Variants in KIAA1217 observed in about 807,000 individuals in gnomAD.
KIAA1217 encodes the protein sickle tail protein homolog.
A neutral mutation model predicts 163.9 loss-of-function variants in KIAA1217; 88 were observed. The observed-to-expected ratio is 0.54, with a 90% CI of 0.45 to 0.64. The LOEUF (loss-of-function observed/expected upper bound fraction) is 0.64, where lower values mean the gene tolerates loss of function less well. Ranked by LOEUF, KIAA1217 falls within the 30% of genes least tolerant of loss-of-function variation. The pLI is 0.00. For missense variants in KIAA1217, 2,372 were observed against 2,475.0 expected, an observed-to-expected ratio of 0.96 and a Z score of 0.88; for synonymous variants, 903 against 923.1, an observed-to-expected ratio of 0.98 and a Z score of 0.39.
chr10:23,909,208 G>T (rs990776996), intron 1 of KIAA1217, among the ~76,000 whole-genome samples: 6 of 152,056 alleles, frequency 3.9e-5, no homozygotes, highest in Non-Finnish European at 7.4e-5. Context: ...AGGGGGAAAT[G>T]GTGGGAAGGG....
At chr10:24,500,698 G>A (rs1471086393) in intron 8 of KIAA1217, among the ~76,000 whole-genome samples, 1 of 152,068 alleles carries the variant, frequency 6.6e-6, no homozygotes, top group African/African-American at 2.4e-5. Flanking sequence ...GCAGAAAATA[G>A]GCACATAAGC....
intron 2 of KIAA1217, among the ~76,000 whole-genome samples, chr10:24,108,772 C>T (rs2131737097): frequency 6.6e-6 from 1 of 152,244 alleles, no homozygotes; most frequent in Admixed American, 6.5e-5. Flanking sequence ...ATCTAGGCAA[C>T]ATAATAAATA....
At chr10:23,939,270 A>G (rs1246411812) in intron 1 of KIAA1217, among the ~76,000 whole-genome samples, 2 of 152,224 alleles carry the variant, frequency 1.3e-5, no homozygotes, top group African/African-American at 4.8e-5. Flanking sequence ...ATCACATTAA[A>G]TGTAAACAGT....
intron 3 of KIAA1217, among the ~76,000 whole-genome samples, chr10:24,410,740 T>C (rs1261054600): frequency 6.6e-6 from 1 of 152,366 alleles, no homozygotes; most frequent in South Asian, 2.1e-4. Context: ...TTAAATGATT[T>C]GACCGAGGTC....
intron 1 of KIAA1217, among the ~76,000 whole-genome samples, chr10:23,971,463 G>C (rs767382592): frequency 1.9e-4 from 29 of 152,048 alleles, no homozygotes; most frequent in Non-Finnish European, 3.5e-4. Flanking sequence ...CTGATTGGTT[G>C]GGGGGGAACC....
At chr10:24,404,936 A>G (rs1157298142) in intron 3 of KIAA1217, among the ~76,000 whole-genome samples, 1 of 152,220 alleles carries the variant, frequency 6.6e-6, no homozygotes, top group East Asian at 1.9e-4. Context: ...ATAAAATTAT[A>G]GAGATGCAGA....
At chr10:24,406,164 G>GA (rs2057187738) in intron 3 of KIAA1217, among the ~76,000 whole-genome samples, 3 of 152,174 alleles carry the variant, frequency 2.0e-5, no homozygotes, top group Admixed American at 1.3e-4. Context: ...CTACTTGGAA[G>GA]AATGACGAGC....
intron 5 of KIAA1217, among the ~76,000 whole-genome samples, chr10:24,456,591 A>T (rs1740531150): frequency 6.6e-6 from 1 of 152,190 alleles, no homozygotes. Context: ...AGAGATTCCC[A>T]GCAGGGAAAA....
intron 2 of KIAA1217, among the ~76,000 whole-genome samples, chr10:24,176,688 C>T (rs1267726293): frequency 2.0e-5 from 3 of 152,366 alleles, no homozygotes; most frequent in Non-Finnish European, 4.4e-5. Context: ...ACACCAGAGC[C>T]GCGGGCAGAG....
intron 2 of KIAA1217, among the ~76,000 whole-genome samples, chr10:24,294,820 G>C (rs2040394442): frequency 6.6e-6 from 1 of 152,186 alleles, no homozygotes; most frequent in African/African-American, 2.4e-5. Flanking sequence ...GACCTGAAAG[G>C]CAAGTGCAAT....
At chr10:23,913,018 C>T (rs1233287762) in intron 1 of KIAA1217, among the ~76,000 whole-genome samples, 2 of 152,152 alleles carry the variant, frequency 1.3e-5, no homozygotes, top group African/African-American at 4.8e-5. Context: ...ATGTAGCACC[C>T]AACACAGCAT....
intron 1 of KIAA1217, among the ~76,000 whole-genome samples, chr10:23,967,755 A>T (rs1845126834): frequency 6.6e-6 from 1 of 152,158 alleles, no homozygotes; most frequent in South Asian, 2.1e-4. Flanking sequence ...TACAAAAGAC[A>T]AATTTAACCT....
chr10:24,137,856 A>G (rs113342260), intron 2 of KIAA1217, among the ~76,000 whole-genome samples: 2,926 of 152,316 alleles, frequency 0.019, 87 homozygotes, highest in African/African-American at 0.066. Context: ...CTCTTAAAAA[A>G]CAAGGGTTTA....
At chr10:23,831,611 T>C (rs1838203647) in intron 1 of KIAA1217, among the ~76,000 whole-genome samples, 2 of 151,044 alleles carry the variant, frequency 1.3e-5, no homozygotes, top group African/African-American at 5.0e-5. Context: ...AGGAATGTAA[T>C]ATGTGTATTA....
At chr10:24,100,777 C>A (rs943522326) in intron 2 of KIAA1217, among the ~76,000 whole-genome samples, 2 of 152,124 alleles carry the variant, frequency 1.3e-5, no homozygotes. Flanking sequence ...TCTTAATTAT[C>A]TTAGGTATTT....
chr10:23,992,563 T>A (rs11013833), intron 1 of KIAA1217, among the ~76,000 whole-genome samples: 6,569 of 151,782 alleles, frequency 0.043, 193 homozygotes, highest in Admixed American at 0.087. Flanking sequence ...GCATGAGATA[T>A]GTTTATTTGG....
intron 3 of KIAA1217, among the ~76,000 whole-genome samples, chr10:24,394,139 C>T (rs974591100): frequency 2.6e-5 from 4 of 152,174 alleles, no homozygotes; most frequent in East Asian, 1.9e-4. Flanking sequence ...CTTTTCTTTT[C>T]GGCGATTCTC....
intron 2 of KIAA1217, among the ~76,000 whole-genome samples, chr10:24,279,725 A>G (rs1358458715): frequency 1.3e-5 from 2 of 152,250 alleles, no homozygotes; most frequent in Non-Finnish European, 2.9e-5. Flanking sequence ...AAATAGAAGC[A>G]CAGATTTACC....
intron 1 of KIAA1217, among the ~76,000 whole-genome samples, chr10:23,919,114 T>C (rs565227400): frequency 6.6e-6 from 1 of 152,312 alleles, no homozygotes; most frequent in South Asian, 2.1e-4. Flanking sequence ...ATTCAGTGTC[T>C]ATTGTCATTG....
Sources: allele counts gnomAD v4.1 joint callset (sites outside exome capture counted in the v4.1 genomes callset), GRCh38; gene constraint gnomAD v4.1.1; transcripts MANE v1.5; gene names NCBI Gene and HGNC (gene_info 2026-07-23, HGNC 2026-07-21).